ZNF83: variants seen among roughly 807,000 people sequenced by gnomAD.
ZNF83 encodes zinc finger protein 816B.
For missense variants in ZNF83, 552 were observed against 629.9 expected, an observed-to-expected ratio of 0.88 and a Z score of 1.32; for synonymous variants, 209 against 213.0, an observed-to-expected ratio of 0.98 and a Z score of 0.17.
intron 1 of ZNF83, among the ~76,000 whole-genome samples, chr19:52,637,643 G>C (rs981101402): frequency 6.6e-6 from 1 of 151,732 alleles, no homozygotes; most frequent in Non-Finnish European, 1.5e-5. Context: ...CTACTGCTCT[G>C]TCTCCCAATG....
At chr19:52,634,896 CAA>C (rs2061095049) in intron 2 of ZNF83, among the ~76,000 whole-genome samples, 168 bp downstream of exon 2, 1 of 152,072 alleles carries the variant, frequency 6.6e-6, no homozygotes, top group Non-Finnish European at 1.5e-5. Flanking sequence ...GATTGGGTCA[CAA>C]GAGATGGAAT....
At chr19:52,637,297 T>A (rs747779440) in intron 1 of ZNF83, among the ~76,000 whole-genome samples, 1 of 152,078 alleles carries the variant, frequency 6.6e-6, no homozygotes, top group African/African-American at 2.4e-5. Flanking sequence ...CTGTCCCCAA[T>A]ATGTGGAACC....
At chr19:52,644,179 CT>C (rs35109145) in intron 3 of ZNF83, among the ~76,000 whole-genome samples, 75,782 of 147,306 alleles carry the variant, frequency 0.51, 20,869 homozygotes, top group East Asian at 0.75. Flanking sequence ...TTCCATTCTT[CT>C]TTTTTTTTTT....
At chr19:52,638,421 G>A (rs1247139369), upstream of ZNF83, 1 of 151,554 alleles carries the variant, frequency 6.6e-6, no homozygotes, top group Non-Finnish European at 1.5e-5. Context: ...GGCGGGGCCT[G>A]GATGAGGTAG....
intron 3 of ZNF83, chr19:52,651,988 A>G (rs762545948): frequency 1.0e-5 from 2 of 192,878 alleles, no homozygotes; most frequent in African/African-American, 4.8e-5. Flanking sequence ...GTCATTTTCT[A>G]TAGTCATTGT....
intron 1 of ZNF83, among the ~76,000 whole-genome samples, chr19:52,662,728 T>C (rs2061596415): frequency 6.6e-6 from 1 of 152,092 alleles, no homozygotes; most frequent in African/African-American, 2.4e-5. Context: ...ATATTACAGA[T>C]GGGGGTCACT....
chr19:52,682,530 G>A (rs980172059), intron 1 of ZNF83, among the ~76,000 whole-genome samples: 4 of 151,948 alleles, frequency 2.6e-5, no homozygotes, highest in Admixed American at 2.0e-4. Flanking sequence ...AATTACCCAG[G>A]CATGGCAGTG....
chr19:52,657,412 C>G (rs945606169), intron 2 of ZNF83, among the ~76,000 whole-genome samples: 2 of 151,988 alleles, frequency 1.3e-5, no homozygotes, highest in Non-Finnish European at 2.9e-5. Context: ...AGTTCGGAGA[C>G]CAGCCTCATC....
At chr19:52,632,518 C>G (rs1409548690) in intron 2 of ZNF83, among the ~76,000 whole-genome samples, 1 of 152,146 alleles carries the variant, frequency 6.6e-6, no homozygotes, top group Non-Finnish European at 1.5e-5. Flanking sequence ...CCTATTCACC[C>G]TTGTCAACTA....
intron 1 of ZNF83, among the ~76,000 whole-genome samples, chr19:52,686,079 T>C (rs749744929): frequency 4.6e-5 from 7 of 151,810 alleles, no homozygotes; most frequent in Non-Finnish European, 8.8e-5. Flanking sequence ...AACTGAAAAA[T>C]AGACTAACTG....
rs545733881 is a variant in ZNF83, at chr19:52,619,109, T to C, written c.-233-4312A>G. The C allele has an allele frequency of 3.8e-6, 6 of 1,567,594 alleles. 1 individual carries two copies. Among genetic ancestry groups the C allele is most frequent in the Admixed American group, 3.6e-5 (2 of 56,252 alleles). On this transcript the variant is annotated intron_variant, in intron 2 of 2. Transcript: ENST00000301096. ...ACCAAATGGTTATGGGAGGAGTTCT[T>C]ATCTTTACAGAAAATGAGGAGAGCG...
chr19:52,687,867 A>C (rs2062073677), intron 1 of ZNF83, among the ~76,000 whole-genome samples: 1 of 150,938 alleles, frequency 6.6e-6, no homozygotes, highest in Non-Finnish European at 1.5e-5. Context: ...GTAATAACAG[A>C]AAGTGATTTT....
chr19:52,663,117 C>T (rs989643675), intron 1 of ZNF83, among the ~76,000 whole-genome samples: 1 of 151,720 alleles, frequency 6.6e-6, no homozygotes, highest in East Asian at 1.9e-4. Flanking sequence ...GAGCCAAGAT[C>T]GTATCACTGC....
chr19:52,636,243 AG>A (rs1448738242), intron 1 of ZNF83: 1 of 152,218 alleles, frequency 6.6e-6, no homozygotes, highest in African/African-American at 2.4e-5. Flanking sequence ...TGAGCCCAGG[AG>A]GACCAGGCTG....
At chr19:52,643,038 C>T (rs1327711009), upstream of ZNF83, among the ~76,000 whole-genome samples, 1 of 152,046 alleles carries the variant, frequency 6.6e-6, no homozygotes, top group Non-Finnish European at 1.5e-5. Context: ...TCTGTAATCC[C>T]AGCTACTGGG....
chr19:52,615,521 C>G (rs1166237050), intron 2 of ZNF83, among the ~76,000 whole-genome samples: 1 of 152,084 alleles, frequency 6.6e-6, no homozygotes, highest in Non-Finnish European at 1.5e-5. Context: ...AGTGAATCAT[C>G]TGAGGTCAGG....
At chr19:52,646,562 A>G (rs2061375404) in intron 3 of ZNF83, among the ~76,000 whole-genome samples, 1 of 152,162 alleles carries the variant, frequency 6.6e-6, no homozygotes, top group Non-Finnish European at 1.5e-5. Flanking sequence ...ATATTAATTA[A>G]TTAGTTAATT....
In ZNF83 at chr19:52,689,468, G is replaced by A. The variant is rs113951290; in HGVS notation, c.-283+975C>T. ...TCTCCCTCTGTTCTCCTTGCCACCA[G>A]CACCACTCTGCTCTGTCTGCCCTGG... is the stretch of plus-strand genomic sequence containing the variant. On this transcript the variant is annotated intron_variant, in intron 1 of 5. Transcript: ENST00000594682. 9.3e-3 allele frequency among the ~76,000 whole-genome samples: 1,418 copies of A among 152,050 alleles called. 21 individuals are homozygous for A. Among genetic ancestry groups the A allele is most frequent in the African/African-American group, 0.031 (1,270 of 41,434 alleles).
At chr19:52,653,965 T>C (rs1340250319) in intron 3 of ZNF83, 2 of 1,308,504 alleles carry the variant, frequency 1.5e-6, no homozygotes, top group African/African-American at 2.9e-5. Flanking sequence ...GAGAAAGTTC[T>C]TCCCATACCT....
Sources: gnomAD v4.1 joint callset for allele counts (sites outside exome capture counted in the v4.1 genomes callset) on GRCh38, gnomAD v4.1.1 for gene constraint, MANE v1.5 for transcripts, NCBI Gene and HGNC (gene_info 2026-07-23, HGNC 2026-07-21) for gene names.